ADGRV1: variants seen among roughly 807,000 people sequenced by gnomAD.
ADGRV1 encodes adhesion G protein-coupled receptor V1.
A neutral mutation model predicts 596.2 loss-of-function variants in ADGRV1; 359 were observed. The ratio of observed to expected loss-of-function variants is 0.60; its 90% CI spans 0.55 to 0.66. The LOEUF (loss-of-function observed/expected upper bound fraction) is 0.66, where lower values mean the gene tolerates loss of function less well. ADGRV1 is among the 30% of genes least tolerant of loss of function. ADGRV1 has a pLI of 0.00. For synonymous variants in ADGRV1, 2,681 were observed against 2,679.2 expected, an observed-to-expected ratio of 1.00 and a Z score of -0.02; for missense variants, 7,274 against 7,575.6, an observed-to-expected ratio of 0.96 and a Z score of 1.48.
Position 90,826,037 on chromosome 5 carries a change from G to T in ADGRV1, c.16368+2441G>T, listed in dbSNP as rs552988031. On this transcript the variant is annotated intron_variant, in intron 76 of 89. Coordinates refer to ENST00000405460, the MANE Select transcript of ADGRV1 (RefSeq NM_032119.4). ...ATATATATTCTAGTTTCATTAAGAG[G>T]AAATTTAAAAAGAGAGAAGATGGAA... Among the ~76,000 whole-genome samples, 4 of 152,180 alleles carry T rather than the reference G, an allele frequency of 2.6e-5. No individual in the cohort carries two copies. In the South Asian group the frequency reaches 8.3e-4, roughly 32 times the overall value.
intron 52 of ADGRV1, among the ~76,000 whole-genome samples, chr5:90,746,390 T>C (rs1754632635): frequency 6.6e-6 from 1 of 152,192 alleles, no homozygotes; most frequent in Non-Finnish European, 1.5e-5. Flanking sequence ...AGGACATCTA[T>C]TATTTGCATC....
chr5:90,684,247 ACAAT>A (rs1201912793), intron 28 of ADGRV1, 52 bp downstream of exon 28: 11 of 1,450,174 alleles, frequency 7.6e-6, no homozygotes, highest in African/African-American at 1.4e-5. Context: ...GAATCCTGAA[ACAAT>A]CAGTTTTAAA....
At chr5:90,861,652 CT>C (rs1449636632) in intron 82 of ADGRV1, among the ~76,000 whole-genome samples, 2 of 152,026 alleles carry the variant, frequency 1.3e-5, no homozygotes, top group Non-Finnish European at 1.5e-5. Flanking sequence ...AGTTATAACA[CT>C]TTATGCTTTG....
At chr5:90,826,706 T>A (rs1050821837) in intron 76 of ADGRV1, among the ~76,000 whole-genome samples, 5 of 151,764 alleles carry the variant, frequency 3.3e-5, no homozygotes, top group Non-Finnish European at 5.9e-5. Context: ...GGTAGAAGAG[T>A]TACAGATATT....
chr5:90,673,793 C>T (rs1772839613), intron 22 of ADGRV1, among the ~76,000 whole-genome samples: 1 of 152,124 alleles, frequency 6.6e-6, no homozygotes, highest in Admixed American at 6.5e-5. Context: ...ATTTGGGGGA[C>T]AGGAGGATAA....
chr5:90,645,999 T>A lies in ADGRV1; in HGVS notation c.2930T>A (p.Ile977Asn), dbSNP rs1314863178. ...IPEEMEEFTV[I>N]LLNGTGGAKV... ...GAAGAAATGGAAGAATTTACCGTTA[T>A]CCTACTGAATGGCACTGGAGGAGCT... is the stretch of plus-strand genomic sequence containing the variant. The change falls in exon 16 of 90, where the codon ATC (isoleucine) becomes AAC (asparagine). Residue 977 changes from isoleucine (I) to asparagine (N), a missense_variant. Ile to Asn is a moderately radical substitution (Grantham distance 149, BLOSUM62 -3). Around this residue, in one of 5 missense-constraint regions of ADGRV1, gnomAD observed 1,715 missense variants for 1,708.8 expected, o/e 1.00. Transcript: ENST00000405460. The A allele has an allele frequency of 6.2e-7, 1 of 1,602,358 alleles. No individual in the cohort carries two copies. The highest frequency in any genetic ancestry group is 1.1e-5 in the South Asian group (1 of 88,408).
At chr5:91,026,440 C>T (rs1003254655) in intron 85 of ADGRV1, among the ~76,000 whole-genome samples, 4 of 151,804 alleles carry the variant, frequency 2.6e-5, no homozygotes, top group African/African-American at 9.7e-5. Context: ...AGTACAATTC[C>T]CTTTCCCTAC....
intron 45 of ADGRV1, 54 bp downstream of exon 45, chr5:90,721,113 T>C: frequency 6.8e-7 from 1 of 1,468,172 alleles, no homozygotes; most frequent in Non-Finnish European, 9.4e-7. Context: ...ATATTGCATG[T>C]ATAAGATTTA....
intron 50 of ADGRV1, among the ~76,000 whole-genome samples, chr5:90,735,352 T>C (rs1243199142): frequency 2.0e-5 from 3 of 152,210 alleles, no homozygotes; most frequent in Non-Finnish European, 2.9e-5. Context: ...CTGGGCTTTC[T>C]ATCCTATCCC....
chr5:90,857,199 G>A (rs1294242204), intron 82 of ADGRV1, among the ~76,000 whole-genome samples: 1 of 151,942 alleles, frequency 6.6e-6, no homozygotes, highest in African/African-American at 2.4e-5. Flanking sequence ...AAATCAGATG[G>A]AGACATCCTA....
At chr5:91,021,856 G>A (rs542474287) in intron 85 of ADGRV1, among the ~76,000 whole-genome samples, 1 of 152,178 alleles carries the variant, frequency 6.6e-6, no homozygotes, top group African/African-American at 2.4e-5. Context: ...TAGAACAGCT[G>A]TAACATTTGG....
At chr5:91,014,088 A>G (rs562832482) in intron 85 of ADGRV1, among the ~76,000 whole-genome samples, 243 of 142,248 alleles carry the variant, frequency 1.7e-3, no homozygotes, top group African/African-American at 6.3e-3. Flanking sequence ...TACCAGTACC[A>G]TGCTGTTTTG....
rs60343627 is a variant in ADGRV1, at chr5:90,657,574, G to A, written c.4379-331G>A. Among the ~76,000 whole-genome samples, 982 of 152,120 alleles carry A rather than the reference G, an allele frequency of 6.5e-3. 14 individuals carry two copies. Among genetic ancestry groups the A allele is most frequent in the African/African-American group, 0.018 (742 of 41,494 alleles). The stretch of plus-strand genomic sequence containing the variant: ...TACGTGCACATACATACATGCATAC[G>A]TGTGTATGTATGTGTGTGTATGTGT... On this transcript the variant is annotated intron_variant, in intron 20 of 89. Transcript: ENST00000405460.
At chr5:90,992,885 C>A (rs984374209) in intron 85 of ADGRV1, among the ~76,000 whole-genome samples, 16 of 152,044 alleles carry the variant, frequency 1.1e-4, no homozygotes, top group Admixed American at 3.9e-4. Context: ...GAATTTTAAA[C>A]TTATAGAAAA....
In ADGRV1 at chr5:90,684,108, T is replaced by C. The variant is rs75019370; in HGVS notation, c.6187T>C (p.Leu2063=). 2.6e-4 allele frequency: 424 copies of C among 1,613,956 alleles called. 9 individuals are homozygous for C. The East Asian group carries it at 7.4e-3, about 28-fold the overall frequency. ...TGAGGCAACAATAGCTATTTCAATT[T>C]TGGATGATGATGAGCCAGAAAGGTC... The part of the protein sequence containing the change: ...QSEATIAISI[L]DDDEPERSES... Residue 2063 remains leucine, a synonymous_variant, in exon 28 of 90, where the codon TTG becomes CTG. Coordinates refer to ENST00000405460, the MANE Select transcript of ADGRV1 (RefSeq NM_032119.4).
chr5:90,808,519 C>T (rs1762121610), intron 73 of ADGRV1, among the ~76,000 whole-genome samples: 1 of 152,164 alleles, frequency 6.6e-6, no homozygotes, highest in Non-Finnish European at 1.5e-5. Flanking sequence ...ATACATATGC[C>T]ATTTTTAAAA....
chr5:90,684,324 A>G, intron 28 of ADGRV1, 129 bp downstream of exon 28: 1 of 867,478 alleles, frequency 1.2e-6, no homozygotes, highest in Non-Finnish European at 1.7e-6. Context: ...GTCCTCTTAC[A>G]ACAGTTTACC....
rs554740719 is a variant in ADGRV1, at chr5:91,162,666, T to A, written c.18803-1116T>A. Among the ~76,000 whole-genome samples, 3 of 150,280 alleles carry A rather than the reference T, an allele frequency of 2.0e-5. No individual in the cohort carries two copies. The South Asian group carries it at 6.3e-4, about 32-fold the overall frequency. Reference sequence around the variant, plus strand: ...ACAGAAGCAAAGAGAGGAAGTGGAGTTTCAACAGCGGCCTTTAACAGAGAG... The same window carrying A: ...ACAGAAGCAAAGAGAGGAAGTGGAGATTCAACAGCGGCCTTTAACAGAGAG... On this transcript the variant is annotated intron_variant, in intron 89 of 89. Coordinates refer to ENST00000405460, the MANE Select transcript of ADGRV1 (RefSeq NM_032119.4).
Position 90,853,287 on chromosome 5 carries a change from C to A in ADGRV1, c.17208C>A (p.Ser5736Arg), listed in dbSNP as rs1414832809. The change falls in exon 80 of 90, where the codon AGC (serine) becomes AGA (arginine). Residue 5736 changes from serine (S) to arginine (R), a missense_variant. Ser to Arg is a moderately radical substitution (Grantham distance 110). Coordinates refer to ENST00000405460, the MANE Select transcript of ADGRV1 (RefSeq NM_032119.4). ...ACCCTTTGCTTTTCTGTTGTAGAAG[C>A]AAAACCATCCTTGATAGTTGCCCAT... is the stretch of plus-strand genomic sequence containing the variant. Reference protein sequence around the residue: ...NVTCGSPGEKSKTILDSCPYL... With the variant: ...NVTCGSPGEKRKTILDSCPYL... 3.7e-6 allele frequency: 6 copies of A among 1,600,988 alleles called. No individual in the cohort carries two copies. The Admixed American group carries it at 5.1e-5, about 14-fold the overall frequency.
Sources: allele counts gnomAD v4.1 joint callset (sites outside exome capture counted in the v4.1 genomes callset), GRCh38; gene constraint gnomAD v4.1.1; regional missense constraint gnomAD v4.1.1; transcripts MANE v1.5; gene names NCBI Gene and HGNC (gene_info 2026-07-23, HGNC 2026-07-21).